COL11A1: variants seen among roughly 807,000 people sequenced by gnomAD.
COL11A1 encodes collagen type XI alpha 1 chain.
COL11A1 carries 74 observed loss-of-function variants against 265.2 expected under a neutral mutation model. The ratio of observed to expected loss-of-function variants is 0.28; its 90% CI spans 0.23 to 0.34. COL11A1 has a LOEUF of 0.34. COL11A1 is among the 10% of genes least tolerant of loss of function. The pLI is 1.00. For synonymous variants in COL11A1, 816 were observed against 727.6 expected, an observed-to-expected ratio of 1.12 and a Z score of -1.96; for missense variants, 2,165 against 2,263.6, an observed-to-expected ratio of 0.96 and a Z score of 0.88.
At chr1:102,885,971 T>C (rs1650919525) in intron 63 of COL11A1, among the ~76,000 whole-genome samples, 1 of 152,140 alleles carries the variant, frequency 6.6e-6, no homozygotes, top group Non-Finnish European at 1.5e-5. Flanking sequence ...GTTTCTGAAC[T>C]ACACTGAACT....
At chr1:102,980,630 C>A in intron 31 of COL11A1, among the ~76,000 whole-genome samples, 1 of 101,366 alleles carries the variant, frequency 9.9e-6, no homozygotes, top group Admixed American at 1.2e-4. Context: ...TATAACAAAG[C>A]CTTGTTTGAC....
chr1:103,012,989 G>C (rs1223881061), intron 13 of COL11A1, among the ~76,000 whole-genome samples: 1 of 152,024 alleles, frequency 6.6e-6, no homozygotes, highest in African/African-American at 2.4e-5. Flanking sequence ...GTTTTATTTT[G>C]TATAATCATA....
intron 1 of COL11A1, among the ~76,000 whole-genome samples, chr1:103,094,374 C>T (rs898446410): frequency 6.6e-6 from 1 of 152,138 alleles, no homozygotes; most frequent in African/African-American, 2.4e-5. Context: ...CTTCTTTTAT[C>T]ACATAGACCC....
chr1:103,061,750 C>A (rs1670694299), intron 4 of COL11A1, among the ~76,000 whole-genome samples: 2 of 151,718 alleles, frequency 1.3e-5, no homozygotes, highest in Admixed American at 1.3e-4. Flanking sequence ...GAGGAAAGAT[C>A]TAAAATCAAC....
At chr1:103,004,316 A>G in intron 20 of COL11A1, 128 bp downstream of exon 20, 1 of 692,620 alleles carries the variant, frequency 1.4e-6, no homozygotes, top group East Asian at 2.7e-5. Flanking sequence ...TCGCATGGCA[A>G]TTATCTGGTT....
intron 20 of COL11A1, 52 bp from the exon 21 acceptor site, chr1:103,003,320 T>A: frequency 3.9e-5 from 57 of 1,478,786 alleles, no homozygotes; most frequent in Non-Finnish European, 5.0e-5. Flanking sequence ...AATGTCCTAA[T>A]AACATGCCTC....
At chr1:103,001,348 T>C in intron 24 of COL11A1, 1 of 396,282 alleles carries the variant, frequency 2.5e-6, no homozygotes, top group Non-Finnish European at 4.4e-6. Context: ...AAAAAGGTGT[T>C]GGAAAGAGCC....
At chr1:103,053,921 C>G (rs1430910133) in intron 4 of COL11A1, among the ~76,000 whole-genome samples, 6 of 152,136 alleles carry the variant, frequency 3.9e-5, no homozygotes, top group Non-Finnish European at 8.8e-5. Flanking sequence ...GAAAGAACAA[C>G]TGCATATATT....
intron 1 of COL11A1, among the ~76,000 whole-genome samples, chr1:103,104,230 A>G (rs1674517422): frequency 6.6e-6 from 1 of 152,096 alleles, no homozygotes; most frequent in Non-Finnish European, 1.5e-5. Context: ...AATAGCCAGC[A>G]TCTCACTAAA....
intron 4 of COL11A1, among the ~76,000 whole-genome samples, chr1:103,044,999 A>G (rs1669131390): frequency 6.6e-6 from 1 of 152,068 alleles, no homozygotes; most frequent in Admixed American, 6.6e-5. Context: ...GGAACTGAGG[A>G]AATAAAAAAT....
At chr1:102,912,032 G>GT in intron 54 of COL11A1, 127 bp downstream of exon 54, 1 of 781,082 alleles carries the variant, frequency 1.3e-6, no homozygotes, top group South Asian at 1.8e-5. Context: ...TTTAAAAATT[G>GT]TTTTTAGGAT....
At chr1:102,989,401 T>G in intron 29 of COL11A1, 117 bp downstream of exon 29, 1 of 550,396 alleles carries the variant, frequency 1.8e-6, no homozygotes, top group Non-Finnish European at 3.0e-6. Context: ...GAGTAAAGAC[T>G]TAGGTAGTAC....
intron 4 of COL11A1, among the ~76,000 whole-genome samples, chr1:103,047,165 G>C (rs556136158): frequency 6.6e-6 from 1 of 152,200 alleles, no homozygotes; most frequent in South Asian, 2.1e-4. Context: ...TAGCCCAATG[G>C]GGACGGCATT....
chr1:103,025,766 C>A (rs1351271597), intron 6 of COL11A1, 153 bp from the exon 7 acceptor site: 1 of 1,610,290 alleles, frequency 6.2e-7, no homozygotes, highest in Non-Finnish European at 8.5e-7. Flanking sequence ...TCCAGCTTAT[C>A]TAGGATAGAT....
chr1:102,958,413 A>C (rs1272332653), intron 41 of COL11A1, among the ~76,000 whole-genome samples: 1 of 152,128 alleles, frequency 6.6e-6, no homozygotes, highest in Admixed American at 6.6e-5. Context: ...TAGATAAATT[A>C]TACTTCACAT....
At chr1:102,947,438 T>C (rs1219976179) in intron 41 of COL11A1, among the ~76,000 whole-genome samples, 1 of 152,132 alleles carries the variant, frequency 6.6e-6, no homozygotes, top group African/African-American at 2.4e-5. Flanking sequence ...CAGAAATTCT[T>C]TGCATTAGGA....
intron 1 of COL11A1, among the ~76,000 whole-genome samples, chr1:103,085,464 G>A (rs1672774640): frequency 6.6e-6 from 1 of 152,118 alleles, no homozygotes; most frequent in Non-Finnish European, 1.5e-5. Flanking sequence ...AGTGCCCAGT[G>A]AAATCCCACG....
chr1:102,883,227 C>A lies in COL11A1; in HGVS notation c.4943G>T (p.Cys1648Phe). ...CTCAGATTTTTTGTCTGGATAAATG[C>A]AAGTCTCACCACCAGATGTGAAATT... ...YCNFTSGGET[C>F]IYPDKKSEGV... Residue 1648 changes from cysteine (C) to phenylalanine (F), a missense_variant, in exon 64 of 67, where the codon TGC (cysteine) becomes TTC (phenylalanine). Coordinates refer to ENST00000370096, the MANE Select transcript of COL11A1 (RefSeq NM_001854.4). 6.2e-7 allele frequency: 1 copy of A among 1,613,186 alleles called. No individual in the cohort carries two copies. The highest frequency in any genetic ancestry group is 8.5e-7 in the Non-Finnish European group (1 of 1,179,364).
chr1:102,996,622 C>A (rs1351831488), intron 26 of COL11A1, among the ~76,000 whole-genome samples: 3 of 151,766 alleles, frequency 2.0e-5, no homozygotes, highest in Non-Finnish European at 4.4e-5. Flanking sequence ...ACAAAATGAT[C>A]CTACCCCTGC....
Sources: gnomAD v4.1 joint callset for allele counts (sites outside exome capture counted in the v4.1 genomes callset) on GRCh38, gnomAD v4.1.1 for gene constraint, MANE v1.5 for transcripts, NCBI Gene and HGNC (gene_info 2026-07-23, HGNC 2026-07-21) for gene names.